EPAS1: variants seen among roughly 807,000 people sequenced by gnomAD.
EPAS1 encodes the protein endothelial PAS domain protein 1.
In EPAS1, 23 loss-of-function variants were observed where a neutral mutation model predicts 87.9. That is an observed-to-expected ratio of 0.26 (90% CI 0.19 to 0.37). EPAS1 has a LOEUF of 0.37. Among genes scored for constraint, EPAS1 ranks in the 10% least tolerant of loss-of-function variants. EPAS1 has a pLI of 1.00. For synonymous variants in EPAS1, 508 were observed against 444.3 expected (o/e 1.14, Z -1.80); for missense variants, 1,138 against 1,120.7 (o/e 1.02, Z -0.22).
At position 46,320,188 on chromosome 2, in the gene EPAS1, TAA is replaced by T. The variant is rs200831825; in HGVS notation, c.26+22253_26+22254del. Among the ~76,000 whole-genome samples, 1,271 of 152,338 alleles carry T rather than the reference TAA, an allele frequency of 8.3e-3. 11 individuals are homozygous for T. The highest frequency in any genetic ancestry group is 0.029 in the African/African-American group (1,200 of 41,568). On this transcript the variant is annotated intron_variant, in intron 1 of 15. Transcript: ENST00000263734. Reference sequence around the variant, plus strand: ...TGAGGATGGGACTAGGAGTAAAAGTTAAAGAGAGAAACTAATTGTTGCCTGCT... The same window carrying T: ...TGAGGATGGGACTAGGAGTAAAAGTTAGAGAGAAACTAATTGTTGCCTGCT...
chr2:46,321,579 G>A (rs1361819299), intron 1 of EPAS1, among the ~76,000 whole-genome samples: 1 of 151,978 alleles, frequency 6.6e-6, no homozygotes, highest in East Asian at 1.9e-4. Flanking sequence ...TTAGATATCA[G>A]CCATCCTAGT....
At chr2:46,369,979 T>C (rs1257833614) in intron 7 of EPAS1, 46 bp downstream of exon 7, 60 of 1,459,334 alleles carry the variant, frequency 4.1e-5, no homozygotes, top group Non-Finnish European at 5.4e-5. Flanking sequence ...GTCTGTGGTA[T>C]GTGGCCTTGA....
chr2:46,367,910 T>C (rs762660297), intron 6 of EPAS1, among the ~76,000 whole-genome samples: 15 of 152,214 alleles, frequency 9.9e-5, no homozygotes, highest in South Asian at 2.1e-4. Flanking sequence ...TGTGTGTGTG[T>C]GCGCGTGCAT....
Position 46,376,624 on chromosome 2 carries a change from T to G in EPAS1, c.1120T>G (p.Phe374Val). The stretch of plus-strand genomic sequence containing the variant: ...CCACCTGATGGCCATGAACAGCATC[T>G]TTGATAGCAGTGGCAAGGGGGCTGT... ...KPHLMAMNSI[F>V]DSSGKGAVSE... The change falls in exon 9 of 16, where the codon TTT becomes GTT. Residue 374 changes from phenylalanine to valine, a missense_variant. Phe to Val is a conservative substitution (Grantham distance 50). Transcript: ENST00000263734. The G allele has an allele frequency of 1.9e-6, 3 of 1,614,184 alleles. No individual in the cohort carries two copies. The highest frequency in any genetic ancestry group is 2.5e-6 in the Non-Finnish European group (3 of 1,180,032).
At position 46,315,259 on chromosome 2, in the gene EPAS1, C is replaced by T. The variant is rs534589989; in HGVS notation, c.26+17322C>T. Among the ~76,000 whole-genome samples the T allele has an allele frequency of 5.3e-5, 8 of 152,242 alleles. No homozygotes were observed. In the East Asian group the frequency reaches 7.7e-4, roughly 15 times the overall value. On this transcript the variant is annotated intron_variant, in intron 1 of 15. Coordinates refer to ENST00000263734, the MANE Select transcript of EPAS1 (RefSeq NM_001430.5). Reference sequence around the variant, plus strand: ...GTCCCTCACTCTGAGACAGTGAGAACGGACTGAGCCGGAAAGCTGATGGCC... The same window carrying T: ...GTCCCTCACTCTGAGACAGTGAGAATGGACTGAGCCGGAAAGCTGATGGCC...
intron 2 of EPAS1, among the ~76,000 whole-genome samples, chr2:46,350,660 A>C (rs1684129432): frequency 6.6e-6 from 1 of 152,264 alleles, no homozygotes; most frequent in Admixed American, 6.5e-5. Flanking sequence ...TGAGCGAATC[A>C]GGGTCAACTC....
chr2:46,330,060 G>A (rs1683644960), intron 1 of EPAS1, among the ~76,000 whole-genome samples: 1 of 152,224 alleles, frequency 6.6e-6, no homozygotes, highest in Non-Finnish European at 1.5e-5. Context: ...CAGACCGTTT[G>A]TGATGCCACA....
At chr2:46,327,101 T>C (rs1395990952) in intron 1 of EPAS1, among the ~76,000 whole-genome samples, 2 of 152,210 alleles carry the variant, frequency 1.3e-5, no homozygotes, top group Admixed American at 6.5e-5. Flanking sequence ...AGCTAGTGAC[T>C]TACAACCTCC....
chr2:46,339,433 A>G (rs376333316), intron 1 of EPAS1, among the ~76,000 whole-genome samples: 7 of 152,340 alleles, frequency 4.6e-5, no homozygotes, highest in African/African-American at 1.7e-4. Context: ...GCCTTGAAAA[A>G]GCCAGAACTC....
intron 6 of EPAS1, among the ~76,000 whole-genome samples, chr2:46,367,137 A>C (rs1177374593): frequency 6.6e-6 from 1 of 152,268 alleles, no homozygotes; most frequent in African/African-American, 2.4e-5. Context: ...TTGTTTTTCC[A>C]CTTCCAAAAC....
At chr2:46,366,926 GAGCTTTA>G (rs1166659124) in intron 6 of EPAS1, among the ~76,000 whole-genome samples, 1 of 152,274 alleles carries the variant, frequency 6.6e-6, no homozygotes, top group Non-Finnish European at 1.5e-5. Flanking sequence ...GAATGACCAT[GAGCTTTA>G]AGTTGGGGTT....
chr2:46,381,721 G>C lies in EPAS1; in HGVS notation c.2171G>C (p.Gly724Ala), dbSNP rs200723248. Reference protein sequence around the residue: ...YEEQAFQDLSGGDPPGGSTSH... With the variant: ...YEEQAFQDLSAGDPPGGSTSH... ...GAGCAAGCCTTCCAGGACCTGAGCG[G>C]GGTGAGTCATCCCCACTGGCCACAG... Residue 724 changes from glycine (G) to alanine (A), a missense_variant and splice_region_variant, in exon 13 of 16, where the codon GGG becomes GCG. By Grantham distance (60) the Gly-to-Ala change is moderately conservative. Transcript: ENST00000263734. 1 of 1,613,682 alleles carries C rather than the reference G, an allele frequency of 6.2e-7. No individual in the cohort carries two copies. The highest frequency in any genetic ancestry group is 8.5e-7 in the Non-Finnish European group (1 of 1,180,038).
At chr2:46,328,676 A>G (rs991495372) in intron 1 of EPAS1, among the ~76,000 whole-genome samples, 1 of 152,232 alleles carries the variant, frequency 6.6e-6, no homozygotes, top group Non-Finnish European at 1.5e-5. Flanking sequence ...TGAAAACATG[A>G]GTATATATCA....
chr2:46,310,885 C>CT (rs66974414), intron 1 of EPAS1, among the ~76,000 whole-genome samples: 9,752 of 151,478 alleles, frequency 0.064, 713 homozygotes, highest in East Asian at 0.2. Flanking sequence ...CGTGTTTGGC[C>CT]TTTTTTTTTG....
chr2:46,370,473 G>C (rs551293956), intron 7 of EPAS1, among the ~76,000 whole-genome samples: 39 of 152,302 alleles, frequency 2.6e-4, no homozygotes, highest in African/African-American at 9.4e-4. Context: ...GTTGAGGTAG[G>C]CCACAGTTCT....
intron 1 of EPAS1, among the ~76,000 whole-genome samples, chr2:46,314,826 A>G (rs943174924): frequency 3.9e-5 from 6 of 152,176 alleles, no homozygotes; most frequent in African/African-American, 1.4e-4. Context: ...GCATGGCCCA[A>G]CCCACTTCCA....
intron 1 of EPAS1, among the ~76,000 whole-genome samples, chr2:46,321,217 T>C (rs1403781296): frequency 6.6e-6 from 1 of 152,250 alleles, no homozygotes; most frequent in East Asian, 1.9e-4. Context: ...CAAAGTTTTA[T>C]TTCTTTTTAA....
In EPAS1 at chr2:46,346,577, T is replaced by C. The variant is rs1349470014; in HGVS notation, c.27-296T>C. Reference sequence around the variant, plus strand: ...TATTCCAGGGCTAGGTCCCAGGCATTGGTAGTTAATTTAATCAGCCAGTCT... The same window carrying C: ...TATTCCAGGGCTAGGTCCCAGGCATCGGTAGTTAATTTAATCAGCCAGTCT... On this transcript the variant is annotated intron_variant, in intron 1 of 15. Transcript: ENST00000263734. This position sits in a 1 kb window ranked among gnomAD's most constrained non-coding sequence, Gnocchi z 4.0. 1.3e-5 allele frequency among the ~76,000 whole-genome samples: 2 copies of C among 152,138 alleles called. No homozygotes were observed. Among genetic ancestry groups the C allele is most frequent in the Admixed American group, 6.5e-5 (1 of 15,272 alleles).
rs1249099884 is a variant in EPAS1 at position 46,346,502 on chromosome 2, C to G, written c.27-371C>G. On this transcript the variant is annotated intron_variant, in intron 1 of 15. Transcript: ENST00000263734. The surrounding 1 kb of genome is among the most constrained non-coding windows in gnomAD (Gnocchi z 4.0). ...AAGCCATCTGAGCCACTGATCATAG[C>G]TTCCTTACCCTTCTCTTTCCATCCC... Among the ~76,000 whole-genome samples, 14 of 152,224 alleles carry G rather than the reference C, an allele frequency of 9.2e-5. No individual in the cohort carries two copies. Among genetic ancestry groups the G allele is most frequent in the Admixed American group, 9.2e-4 (14 of 15,286 alleles).
Sources: gnomAD v4.1 joint callset for allele counts (sites outside exome capture counted in the v4.1 genomes callset) on GRCh38, gnomAD v4.1.1 for gene constraint, Gnocchi (gnomAD v3.1) non-coding constraint, MANE v1.5 for transcripts, NCBI Gene and HGNC (gene_info 2026-07-23, HGNC 2026-07-21) for gene names.